The following DSCAML1 variants were observed in gnomAD, a reference collection of about 807,000 sequenced individuals.
DSCAML1 encodes the protein DS cell adhesion molecule like 1, also known as cell adhesion molecule DSCAML1.
Under a neutral mutation model 200.5 loss-of-function variants are expected in DSCAML1, and 38 were observed. The ratio of observed to expected loss-of-function variants is 0.19; its 90% confidence interval spans 0.15 to 0.25. The LOEUF is 0.25. Among genes scored for constraint, DSCAML1 ranks in the 10% least tolerant of loss-of-function variants. The pLI is 1.00. For missense variants in DSCAML1, 2,223 were observed against 2,858.8 expected, an observed-to-expected ratio of 0.78 and a Z score of 5.07; for synonymous variants, 1,215 against 1,165.0, an observed-to-expected ratio of 1.04 and a Z score of -0.87.
At chr11:117,768,557 T>G (rs1262428162) in intron 3 of DSCAML1, among the ~76,000 whole-genome samples, 4 of 152,024 alleles carry the variant, frequency 2.6e-5, no homozygotes, top group Non-Finnish European at 4.4e-5. Context: ...GGAGGTGAGG[T>G]CTAAGGTTGG....
intron 3 of DSCAML1, among the ~76,000 whole-genome samples, chr11:117,573,712 C>T (rs371993805): frequency 6.6e-6 from 1 of 152,224 alleles, no homozygotes; most frequent in African/African-American, 2.4e-5. Flanking sequence ...AACAGTAAGC[C>T]CCAAATGCTA....
At chr11:117,434,340 A>T (rs1453906033) in intron 27 of DSCAML1, among the ~76,000 whole-genome samples, 1 of 152,194 alleles carries the variant, frequency 6.6e-6, no homozygotes, top group Non-Finnish European at 1.5e-5. Context: ...CCAGTAATCC[A>T]TTCAACCATT....
At chr11:117,797,250 C>A, upstream of DSCAML1, 1 of 1,439,518 alleles carries the variant, frequency 6.9e-7, no homozygotes, top group South Asian at 1.4e-5. Flanking sequence ...GGCTCCCCGG[C>A]TCCTGTCATC....
At chr11:117,453,242 C>T (rs1243557953) in intron 19 of DSCAML1, among the ~76,000 whole-genome samples, 1 of 152,136 alleles carries the variant, frequency 6.6e-6, no homozygotes, top group Non-Finnish European at 1.5e-5. Context: ...ACCCCATTGT[C>T]GTTTATTTTA....
At chr11:117,429,702 T>C (rs1273821007) in intron 32 of DSCAML1, among the ~76,000 whole-genome samples, 1 of 152,176 alleles carries the variant, frequency 6.6e-6, no homozygotes, top group Non-Finnish European at 1.5e-5. Context: ...ACTGCCTCCA[T>C]GTGACTTGCT....
chr11:117,666,934 A>G (rs1404585081), intron 3 of DSCAML1, among the ~76,000 whole-genome samples: 1 of 152,106 alleles, frequency 6.6e-6, no homozygotes, highest in African/African-American at 2.4e-5. Context: ...CCATGTATTC[A>G]CCATCATGCA....
intron 3 of DSCAML1, among the ~76,000 whole-genome samples, chr11:117,733,056 T>C (rs2054251899): frequency 6.6e-6 from 1 of 152,090 alleles, no homozygotes; most frequent in Admixed American, 6.5e-5. Flanking sequence ...TAAATAGGAA[T>C]ATCATCAGGG....
intron 3 of DSCAML1, among the ~76,000 whole-genome samples, chr11:117,540,175 C>T (rs897191001): frequency 2.0e-5 from 3 of 152,148 alleles, no homozygotes; most frequent in South Asian, 2.1e-4. Context: ...ACCTTGGGGC[C>T]GTGGACCAGT....
At chr11:117,741,714 T>C (rs1300710330) in intron 3 of DSCAML1, among the ~76,000 whole-genome samples, 1 of 152,242 alleles carries the variant, frequency 6.6e-6, no homozygotes, top group Non-Finnish European at 1.5e-5. Flanking sequence ...TGTTAAAGCA[T>C]GTCCAGCTTC....
intron 14 of DSCAML1, among the ~76,000 whole-genome samples, chr11:117,474,029 T>C (rs761187388): frequency 5.9e-5 from 9 of 152,132 alleles, no homozygotes; most frequent in Non-Finnish European, 1.3e-4. Flanking sequence ...GCATTCATTT[T>C]TGATGAGTGC....
At chr11:117,646,492 A>C (rs2052525008) in intron 3 of DSCAML1, among the ~76,000 whole-genome samples, 2 of 152,190 alleles carry the variant, frequency 1.3e-5, no homozygotes, top group Admixed American at 1.3e-4. Context: ...CTCACCTCCC[A>C]GAACATTTCT....
intron 3 of DSCAML1, among the ~76,000 whole-genome samples, chr11:117,552,906 G>A (rs1299554004): frequency 2.6e-5 from 4 of 152,196 alleles, no homozygotes; most frequent in East Asian, 3.8e-4. Context: ...ACAAGTGCGC[G>A]ATGTGCTCAG....
chr11:117,446,954 G>A (rs1397716521), intron 20 of DSCAML1, among the ~76,000 whole-genome samples: 1 of 152,178 alleles, frequency 6.6e-6, no homozygotes, highest in Non-Finnish European at 1.5e-5. Flanking sequence ...AGAACAATGG[G>A]AGACTGGTTA....
chr11:117,505,882 G>T lies in DSCAML1; in HGVS notation c.1784-150C>A. The T allele has an allele frequency of 1.0e-6, 1 of 965,606 alleles. No individual in the cohort carries two copies. The highest frequency in any genetic ancestry group is 1.5e-6 in the Non-Finnish European group (1 of 667,608). The allele number at this position is 965,606 out of a possible 1,614,324, so 59.8% of individuals were successfully genotyped here. On this transcript the variant is annotated intron_variant, in intron 8 of 32. Coordinates refer to ENST00000651296, the MANE Select transcript of DSCAML1 (RefSeq NM_020693.4). The surrounding 1 kb of genome is among the most constrained non-coding windows in gnomAD (Gnocchi z 6.7). ...CAGCCTTGTTCTCCTATGCATGCAG[G>T]GTCTCCTAATGATGCCTGGCTCCTG...
At position 117,726,266 on chromosome 11, in the gene DSCAML1, CGT is replaced by C. The variant is rs112110901; in HGVS notation, c.511+50523_511+50524del. ...GTGTGTATCTCTGTGTGTGTGTGTG[CGT>C]GTGTGTGTGTGTGTGTGTGTGTGTA... On this transcript the variant is annotated intron_variant, in intron 3 of 32. Coordinates refer to ENST00000651296, the MANE Select transcript of DSCAML1 (RefSeq NM_020693.4). Among the ~76,000 whole-genome samples, 942 of 145,752 alleles carry C rather than the reference CGT, an allele frequency of 6.5e-3. 10 individuals carry two copies. The highest frequency in any genetic ancestry group is 0.021 in the African/African-American group (823 of 39,370).
chr11:117,742,106 T>C (rs1345598068), intron 3 of DSCAML1, among the ~76,000 whole-genome samples: 1 of 152,152 alleles, frequency 6.6e-6, no homozygotes, highest in East Asian at 1.9e-4. Flanking sequence ...TGGCACATCA[T>C]CTCATAGGGA....
chr11:117,468,409 T>C (rs1425720457), intron 16 of DSCAML1, among the ~76,000 whole-genome samples: 1 of 152,262 alleles, frequency 6.6e-6, no homozygotes, highest in African/African-American at 2.4e-5. Context: ...TTATGAGACT[T>C]TGGAGAAATA....
intron 3 of DSCAML1, among the ~76,000 whole-genome samples, chr11:117,614,664 G>A (rs1227738695): frequency 2.0e-5 from 3 of 152,160 alleles, no homozygotes; most frequent in African/African-American, 7.2e-5. Flanking sequence ...GTGGTTAAAC[G>A]ACTTGCCCAA....
At chr11:117,675,060 G>A (rs2053182886) in intron 3 of DSCAML1, among the ~76,000 whole-genome samples, 1 of 152,136 alleles carries the variant, frequency 6.6e-6, no homozygotes, top group Non-Finnish European at 1.5e-5. Context: ...GTGACCTTGG[G>A]CAAGTTATCG....
Sources: allele counts gnomAD v4.1 joint callset (sites outside exome capture counted in the v4.1 genomes callset), GRCh38; gene constraint gnomAD v4.1.1; non-coding constraint Gnocchi (gnomAD v3.1); transcripts MANE v1.5; gene names NCBI Gene and HGNC (gene_info 2026-07-23, HGNC 2026-07-21).